Variants in PHC3 observed in about 807,000 individuals in gnomAD.
The protein encoded by PHC3 is polyhomeotic homolog 3.
In PHC3, 13 loss-of-function variants were observed where a neutral mutation model predicts 107.4. The ratio of observed to expected loss-of-function variants is 0.12; its 90% CI spans 0.08 to 0.19. The LOEUF (loss-of-function observed/expected upper bound fraction) is 0.19. PHC3 is among the 10% of genes least tolerant of loss of function. The pLI, the probability that PHC3 is intolerant of heterozygous loss-of-function variation, is 1.00. For synonymous variants in PHC3, 456 were observed against 427.4 expected (o/e 1.07, Z -0.83); for missense variants, 992 against 1,210.9 (o/e 0.82, Z 2.68).
chr3:170,143,984 A>T (rs1002393330), intron 6 of PHC3, among the ~76,000 whole-genome samples: 2 of 152,028 alleles, frequency 1.3e-5, no homozygotes, highest in Non-Finnish European at 2.9e-5. Context: ...TTTGCTAAAC[A>T]TCATGTTTTT....
intron 10 of PHC3, among the ~76,000 whole-genome samples, chr3:170,116,712 C>G (rs1719044812): frequency 6.6e-6 from 1 of 152,010 alleles, no homozygotes; most frequent in Non-Finnish European, 1.5e-5. Context: ...GAGTTAAAAA[C>G]CAGCCTGAGA....
At chr3:170,127,081 T>G (rs1721437152) in intron 8 of PHC3, among the ~76,000 whole-genome samples, 1 of 152,032 alleles carries the variant, frequency 6.6e-6, no homozygotes, top group Non-Finnish European at 1.5e-5. Context: ...GCTGTACGCT[T>G]CCTATACCCC....
chr3:170,132,542 TAAGAA>T (rs1722427791), intron 7 of PHC3, among the ~76,000 whole-genome samples: 1 of 152,182 alleles, frequency 6.6e-6, no homozygotes, highest in South Asian at 2.1e-4. Context: ...TGTGCCCTTT[TAAGAA>T]AAGACATCAG....
chr3:170,134,604 T>C (rs1320035599), intron 7 of PHC3, among the ~76,000 whole-genome samples: 1 of 152,076 alleles, frequency 6.6e-6, no homozygotes, highest in Non-Finnish European at 1.5e-5. Context: ...ACTGCAATAA[T>C]TCCCAAAATC....
chr3:170,138,188 C>T (rs1363676103), intron 6 of PHC3, among the ~76,000 whole-genome samples: 1 of 152,052 alleles, frequency 6.6e-6, no homozygotes, highest in Non-Finnish European at 1.5e-5. Context: ...GAGCAAGACT[C>T]TGTCTCAAAA....
At chr3:170,169,253 G>GT (rs1560127603) in intron 4 of PHC3, among the ~76,000 whole-genome samples, 2 of 152,064 alleles carry the variant, frequency 1.3e-5, no homozygotes, top group Non-Finnish European at 2.9e-5. Flanking sequence ...CCTGACAGCT[G>GT]TTTTTTCTTC....
chr3:170,117,160 A>G, intron 10 of PHC3, 66 bp downstream of exon 10: 1 of 1,577,326 alleles, frequency 6.3e-7, no homozygotes. Flanking sequence ...GAGAACAGTA[A>G]TATGTAACTT....
chr3:170,154,640 A>C (rs966218128), intron 4 of PHC3, among the ~76,000 whole-genome samples: 6 of 152,234 alleles, frequency 3.9e-5, no homozygotes, highest in Admixed American at 3.9e-4. Context: ...GAAAAGAGGA[A>C]GTGAAGACAA....
intron 6 of PHC3, among the ~76,000 whole-genome samples, chr3:170,141,896 G>T (rs144089011): frequency 6.6e-6 from 1 of 152,130 alleles, no homozygotes; most frequent in Non-Finnish European, 1.5e-5. Flanking sequence ...GAGCTACCTC[G>T]CCCGGCCTGT....
At chr3:170,178,438 G>A (rs1730874222) in intron 2 of PHC3, among the ~76,000 whole-genome samples, 1 of 152,208 alleles carries the variant, frequency 6.6e-6, no homozygotes, top group Admixed American at 6.5e-5. Context: ...GCCGACTAAA[G>A]GAAATTTTAA....
At chr3:170,122,932 T>G (rs547781259) in intron 8 of PHC3, among the ~76,000 whole-genome samples, 188 bp from the exon 9 acceptor site, 1 of 152,216 alleles carries the variant, frequency 6.6e-6, no homozygotes, top group Non-Finnish European at 1.5e-5. Flanking sequence ...TTCATAATAT[T>G]TGACTGAAAG....
In PHC3 at chr3:170,094,104, G is replaced by C. The variant is rs1161352201; in HGVS notation, c.*3126C>G. The stretch of plus-strand genomic sequence containing the variant: ...CACCTTTTAAAAAGTTCTGTTTAGA[G>C]CATTCAACAGCAAAGTAACAGGACC... On this transcript the variant is annotated 3_prime_UTR_variant, in exon 15 of 15. Transcript: ENST00000495893. The C allele has an allele frequency of 6.6e-6, 1 of 152,126 alleles. No homozygotes were observed. Among genetic ancestry groups the C allele is most frequent in the Non-Finnish European group, 1.5e-5 (1 of 68,030 alleles). The allele number at this position is 152,126 out of a possible 1,614,324, so 9.4% of individuals were successfully genotyped here. A position where few individuals can be genotyped will look rare whatever the true frequency, so the allele number is the denominator to read the frequency against.
Position 170,113,485 on chromosome 3 carries a change from A to C in PHC3, c.2228T>G (p.Val743Gly), listed in dbSNP as rs866929262. 21 of 1,612,308 alleles carry C rather than the reference A, an allele frequency of 1.3e-5. No individual in the cohort carries two copies. In the Middle Eastern group the frequency reaches 2.6e-3, roughly 202 times the overall value. ...SRSSLLIEQP[V>G]KKRPLLDNQV... ...ATTATCCAAAAGAGGCCGTTTTTTC[A>C]CAGGCTGTTCTATTAGCAAAGAGGA... The change falls in exon 11 of 15, where the codon GTG (valine) becomes GGG (glycine). Residue 743 changes from valine (V) to glycine (G), a missense_variant. By Grantham distance (109) the Val-to-Gly change is moderately radical. Coordinates refer to ENST00000495893, the MANE Select transcript of PHC3 (RefSeq NM_024947.4).
chr3:170,107,542 G>GAA (rs1303949928), intron 11 of PHC3, among the ~76,000 whole-genome samples: 1 of 152,192 alleles, frequency 6.6e-6, no homozygotes, highest in Non-Finnish European at 1.5e-5. Context: ...CAAGGAGTTT[G>GAA]AGACCAGTGT....
chr3:170,102,175 G>A, intron 14 of PHC3: 1 of 985,374 alleles, frequency 1.0e-6, no homozygotes, highest in Non-Finnish European at 1.2e-6. Flanking sequence ...TCTCTCTACT[G>A]ACCTCTCGAG....
chr3:170,102,941 A>G lies in PHC3; in HGVS notation c.2469-7T>C. ...AGAACAGCTAACATTGTACCTAAGAAATTCAAGAAAGAAAAAATATTTAAT... is the reference window on the plus strand; with the variant it reads ...AGAACAGCTAACATTGTACCTAAGAGATTCAAGAAAGAAAAAATATTTAAT... On this transcript the variant is annotated splice_region_variant and splice_polypyrimidine_tract_variant and intron_variant, in intron 12 of 14. Transcript: ENST00000495893. 2 of 1,605,062 alleles carry G rather than the reference A, an allele frequency of 1.2e-6. No homozygotes were observed. Among genetic ancestry groups the G allele is most frequent in the Non-Finnish European group, 1.7e-6 (2 of 1,174,742 alleles).
intron 11 of PHC3, 72 bp from the exon 12 acceptor site, chr3:170,107,018 C>A: frequency 9.1e-7 from 1 of 1,102,440 alleles, no homozygotes; most frequent in Non-Finnish European, 1.3e-6. Flanking sequence ...TAAGTCTATA[C>A]TTTGGTTGGA....
At chr3:170,145,626 G>A in intron 5 of PHC3, 105 bp from the exon 6 acceptor site, 1 of 683,588 alleles carries the variant, frequency 1.5e-6, no homozygotes. Context: ...GAAAGACAAT[G>A]CAGTTTAGGA....
At chr3:170,112,436 G>C (rs1577007121) in intron 11 of PHC3, among the ~76,000 whole-genome samples, 1 of 150,684 alleles carries the variant, frequency 6.6e-6, no homozygotes, top group African/African-American at 2.4e-5. Flanking sequence ...TGTTGGCCAG[G>C]ATGGTCTTGA....
Sources: gnomAD v4.1 joint callset for allele counts (sites outside exome capture counted in the v4.1 genomes callset) on GRCh38, gnomAD v4.1.1 for gene constraint, MANE v1.5 for transcripts, NCBI Gene and HGNC (gene_info 2026-07-23, HGNC 2026-07-21) for gene names.